The following MRPL1 variants were observed in gnomAD, a reference collection of about 807,000 sequenced individuals.
The protein encoded by MRPL1 is large ribosomal subunit protein uL1m.
In MRPL1, 28 loss-of-function variants were observed where a neutral mutation model predicts 38.0. The observed-to-expected ratio is 0.74, with a 90% CI of 0.55 to 1.01. The LOEUF (loss-of-function observed/expected upper bound fraction) is 1.01. Ranked by LOEUF, MRPL1 falls within the 50% of genes least tolerant of loss-of-function variation. The probability of loss-of-function intolerance (pLI) is 0.00; values close to 1 mark genes in which losing one functional copy is unlikely to be tolerated. For missense variants in MRPL1, 358 were observed against 389.8 expected (o/e 0.92, Z 0.69); for synonymous variants, 123 against 126.7 (o/e 0.97, Z 0.20).
intron 2 of MRPL1, among the ~76,000 whole-genome samples, chr4:77,876,452 T>A (rs1182970838): frequency 1.3e-5 from 2 of 152,206 alleles, no homozygotes; most frequent in Non-Finnish European, 2.9e-5. Context: ...TACCCCAAGT[T>A]CTATTCCAGT....
chr4:77,929,769 T>TAA (rs386400570), intron 7 of MRPL1, among the ~76,000 whole-genome samples: 106,724 of 150,010 alleles, frequency 0.71, 38,058 homozygotes, highest in African/African-American at 0.77. Flanking sequence ...GGGTTTTATT[T>TAA]AAAAAAAAAA....
In MRPL1 at chr4:77,938,740, C is replaced by T. The variant is rs546171382; in HGVS notation, c.778-11057C>T. ...TTGTAGCAACTCTGCTGTCTCCACC[C>T]CTAGTGGTTGCTCTCCACCTCAGCA... On this transcript the variant is annotated intron_variant, in intron 7 of 8. Transcript: ENST00000315567. Among the ~76,000 whole-genome samples the T allele has an allele frequency of 2.0e-5, 3 of 152,232 alleles. No homozygotes were observed. The East Asian group carries it at 5.8e-4, about 29-fold the overall frequency.
chr4:77,907,937 T>A (rs1736197356), intron 6 of MRPL1, among the ~76,000 whole-genome samples: 1 of 150,216 alleles, frequency 6.7e-6, no homozygotes. Context: ...TTGCCCAGGC[T>A]GCCAGGCTGG....
chr4:77,903,883 T>TA lies in MRPL1; in HGVS notation c.671-5373dup, dbSNP rs1002132333. The stretch of plus-strand genomic sequence containing the variant: ...TCCCAACCAAACTCCCAGAAAGCTT[T>TA]AAAAAAAAAAGTTGGCAAGCATATT... On this transcript the variant is annotated intron_variant, in intron 6 of 8. Transcript: ENST00000315567. 1.3e-3 allele frequency among the ~76,000 whole-genome samples: 186 copies of TA among 148,780 alleles called. 1 individual carries two copies. Among genetic ancestry groups the TA allele is most frequent in the African/African-American group, 4.2e-3 (173 of 40,816 alleles).
intron 7 of MRPL1, among the ~76,000 whole-genome samples, chr4:77,943,560 A>G (rs925732113): frequency 6.6e-6 from 1 of 151,826 alleles, no homozygotes; most frequent in Non-Finnish European, 1.5e-5. Flanking sequence ...GGCTTTGTTT[A>G]TTTATTTATT....
intron 6 of MRPL1, among the ~76,000 whole-genome samples, chr4:77,894,578 T>G (rs1383280401): frequency 6.6e-6 from 1 of 152,134 alleles, no homozygotes; most frequent in East Asian, 1.9e-4. Context: ...TTTATCAATA[T>G]AATATGTATG....
intron 7 of MRPL1, among the ~76,000 whole-genome samples, chr4:77,928,498 T>G (rs879805590): frequency 2.0e-5 from 3 of 152,220 alleles, no homozygotes; most frequent in Non-Finnish European, 2.9e-5. Context: ...TTAACTTTTC[T>G]TTTGTTGCAT....
intron 1 of MRPL1, among the ~76,000 whole-genome samples, chr4:77,864,295 G>A (rs1312710197): frequency 6.6e-6 from 1 of 151,980 alleles, no homozygotes; most frequent in African/African-American, 2.4e-5. Flanking sequence ...TATTTCATGT[G>A]TCATTTTTTC....
intron 6 of MRPL1, among the ~76,000 whole-genome samples, chr4:77,899,502 A>G (rs1735987537): frequency 6.6e-6 from 1 of 152,198 alleles, no homozygotes; most frequent in South Asian, 2.1e-4. Flanking sequence ...TTTTTCTTCC[A>G]TAATTTAGCT....
At chr4:77,907,050 A>G in intron 6 of MRPL1, 1 of 985,404 alleles carries the variant, frequency 1.0e-6, no homozygotes, top group Non-Finnish European at 1.2e-6. Flanking sequence ...TGCTGAGGGT[A>G]TGCCGTGCTC....
At chr4:77,877,111 T>A (rs1337711720) in intron 2 of MRPL1, among the ~76,000 whole-genome samples, 1 of 152,114 alleles carries the variant, frequency 6.6e-6, no homozygotes, top group Admixed American at 6.5e-5. Context: ...TGTTGGCCAG[T>A]CTGGTCTCGA....
chr4:77,912,767 A>G (rs1051173146), intron 7 of MRPL1, among the ~76,000 whole-genome samples: 11 of 152,186 alleles, frequency 7.2e-5, no homozygotes, highest in East Asian at 3.9e-4. Context: ...GAAAAAGAAC[A>G]AAGTTGGAAG....
chr4:77,867,947 G>A (rs1022678329), intron 1 of MRPL1, among the ~76,000 whole-genome samples: 6 of 151,474 alleles, frequency 4.0e-5, no homozygotes, highest in Non-Finnish European at 7.4e-5. Flanking sequence ...TAGTAGAGAC[G>A]GGGTTTCACC....
Position 77,875,217 on chromosome 4 carries a change from C to T in MRPL1, c.143+3362C>T, listed in dbSNP as rs77369052. Among the ~76,000 whole-genome samples the T allele has an allele frequency of 1.4e-3, 207 of 152,194 alleles. 1 individual carries two copies. Among genetic ancestry groups the T allele is most frequent in the African/African-American group, 4.4e-3 (182 of 41,496 alleles). On this transcript the variant is annotated intron_variant, in intron 2 of 8. Coordinates refer to ENST00000315567, the MANE Select transcript of MRPL1 (RefSeq NM_020236.4). The stretch of plus-strand genomic sequence containing the variant: ...GATATTCGTATATTATGAATTAACA[C>T]GTCTGTGATACAACTTCTGATTAGT...
intron 7 of MRPL1, among the ~76,000 whole-genome samples, chr4:77,932,545 C>T (rs1183401187): frequency 6.6e-6 from 1 of 152,108 alleles, no homozygotes; most frequent in African/African-American, 2.4e-5. Flanking sequence ...CCATTTCCAA[C>T]ATCCTCTTTG....
chr4:77,917,702 C>T (rs573889959), intron 7 of MRPL1, among the ~76,000 whole-genome samples: 1 of 152,124 alleles, frequency 6.6e-6, no homozygotes, highest in South Asian at 2.1e-4. Flanking sequence ...AAATACTTCT[C>T]GTAGGCGAGA....
chr4:77,944,072 A>C (rs1036433900), intron 7 of MRPL1, among the ~76,000 whole-genome samples: 1 of 152,226 alleles, frequency 6.6e-6, no homozygotes, highest in African/African-American at 2.4e-5. Context: ...TTGTCCCACC[A>C]GGTGTTCCAC....
intron 6 of MRPL1, among the ~76,000 whole-genome samples, chr4:77,899,019 A>G (rs1414589157): frequency 7.3e-6 from 1 of 137,432 alleles, no homozygotes; most frequent in African/African-American, 2.8e-5. Flanking sequence ...TTTGAGACAG[A>G]GTCTCGTTCT....
At chr4:77,945,947 C>T (rs929021388) in intron 7 of MRPL1, among the ~76,000 whole-genome samples, 6 of 152,106 alleles carry the variant, frequency 3.9e-5, no homozygotes, top group African/African-American at 9.7e-5. Context: ...CAGCTGTGCA[C>T]GTATTGTCTT....
Sources: allele counts gnomAD v4.1 joint callset (sites outside exome capture counted in the v4.1 genomes callset), GRCh38; gene constraint gnomAD v4.1.1; transcripts MANE v1.5; gene names NCBI Gene and HGNC (gene_info 2026-07-23, HGNC 2026-07-21).